Variants in CTPS2 observed in about 807,000 individuals in gnomAD.
CTPS2 encodes the protein CTP synthase II.
A neutral mutation model predicts 46.8 loss-of-function variants in CTPS2; 19 were observed. The observed-to-expected ratio is 0.41, with a 90% CI of 0.28 to 0.60. The LOEUF (loss-of-function observed/expected upper bound fraction) is 0.60. Among genes scored for constraint, CTPS2 ranks in the 20% least tolerant of loss-of-function variants. CTPS2 has a pLI of 0.35. For missense variants in CTPS2, 286 were observed against 447.6 expected, an observed-to-expected ratio of 0.64 and a Z score of 3.26; for synonymous variants, 151 against 165.2, an observed-to-expected ratio of 0.91 and a Z score of 0.66.
intron 10 of CTPS2, among the ~76,000 whole-genome samples, chrX:16,672,741 C>T (rs1014381624): frequency 4.5e-5 from 5 of 110,923 alleles, no homozygotes; most frequent in Non-Finnish European, 7.6e-5. Flanking sequence ...CCTAGCATAC[C>T]GACAAAAGGG....
rs903107330 is a variant in CTPS2, at chrX:16,678,917, T to C, written c.1006-467A>G. 9.2e-5 allele frequency among the ~76,000 whole-genome samples: 10 copies of C among 108,899 alleles called. No individual in the cohort carries two copies. The South Asian group carries it at 1.6e-3, about 17-fold the overall frequency. 94.6% of individuals were successfully genotyped at this position (108,899 alleles called of 115,157 possible). On this transcript the variant is annotated intron_variant, in intron 9 of 18. Coordinates refer to ENST00000359276, the MANE Select transcript of CTPS2 (RefSeq NM_175859.3). Reference sequence around the variant, plus strand: ...CTAGGACGTCACTAGAACTGAACACTGGAGGAAAGACAGGAAGGATTGACG... The same window carrying C: ...CTAGGACGTCACTAGAACTGAACACCGGAGGAAAGACAGGAAGGATTGACG...
At chrX:16,600,897 T>C (rs998474266) in intron 17 of CTPS2, among the ~76,000 whole-genome samples, 1 of 111,874 alleles carries the variant, frequency 8.9e-6, no homozygotes, top group Non-Finnish European at 1.9e-5. Context: ...TTGATAGCAG[T>C]TGAGTTTATA....
At position 16,591,060 on chromosome X, in the gene CTPS2, G is replaced by T. The variant is rs962594127; in HGVS notation, c.1692-198C>A. The T allele has an allele frequency of 1.3e-5, 4 of 311,273 alleles. No individual in the cohort carries two copies. The East Asian group carries it at 1.5e-4, about 11-fold the overall frequency. The allele number at this position is 311,273 out of a possible 1,213,427, so 25.7% of individuals were successfully genotyped here. The stretch of plus-strand genomic sequence containing the variant: ...GCAATGGCCTCTTTCTTTGGTCAGA[G>T]AAACTGATCACTTATTTTCATCGTA... On this transcript the variant is annotated intron_variant, in intron 17 of 18. Transcript: ENST00000359276.
intron 2 of CTPS2, among the ~76,000 whole-genome samples, chrX:16,700,179 C>T (rs986198685): frequency 9.4e-6 from 1 of 105,936 alleles, no homozygotes; most frequent in Non-Finnish European, 1.9e-5. Flanking sequence ...TGCAGTGGTG[C>T]GATCTCGGCT....
chrX:16,640,853 A>G (rs1239994883), intron 13 of CTPS2, among the ~76,000 whole-genome samples: 2 of 111,656 alleles, frequency 1.8e-5, no homozygotes, highest in Non-Finnish European at 3.8e-5. Flanking sequence ...TTCTGAGGTA[A>G]AAAATTCCCA....
At chrX:16,596,150 A>G (rs182067019) in intron 17 of CTPS2, among the ~76,000 whole-genome samples, 1 of 111,053 alleles carries the variant, frequency 9.0e-6, no homozygotes, top group Non-Finnish European at 1.9e-5. Context: ...CTGGGATTAC[A>G]GGTGTGAGCC....
At position 16,698,337 on chromosome X, in the gene CTPS2, C is replaced by T. The variant is rs191710086; in HGVS notation, c.338-1G>A. 8.6e-7 allele frequency: 1 copy of T among 1,160,555 alleles called. No individual in the cohort carries two copies. Among genetic ancestry groups the T allele is most frequent in the East Asian group, 3.0e-5 (1 of 33,577 alleles). On this transcript the variant is annotated splice_acceptor_variant, in intron 3 of 18. Coordinates refer to ENST00000359276, the MANE Select transcript of CTPS2 (RefSeq NM_175859.3). LOFTEE classifies it high-confidence loss of function. ...ACAGCATCAGTAATGTGAGGGACAA[C>T]TGTAGAAAGAAGTATTAATACAAAA...
At chrX:16,669,268 C>G (rs1921515551) in intron 11 of CTPS2, among the ~76,000 whole-genome samples, 1 of 111,403 alleles carries the variant, frequency 9.0e-6, no homozygotes, top group Non-Finnish European at 1.9e-5. Flanking sequence ...CTGCAGTTCA[C>G]CAATTCTCTC....
chrX:16,664,400 TG>T (rs2147291076), intron 13 of CTPS2, among the ~76,000 whole-genome samples: 1 of 111,867 alleles, frequency 8.9e-6, no homozygotes, highest in East Asian at 2.8e-4. Context: ...AAGTACCATC[TG>T]GCTGGTAAGT....
At chrX:16,618,573 G>T (rs1195703834) in intron 15 of CTPS2, among the ~76,000 whole-genome samples, 1 of 111,665 alleles carries the variant, frequency 9.0e-6, no homozygotes, top group Non-Finnish European at 1.9e-5. Flanking sequence ...AGCAATGCAT[G>T]AAGGTTCCAG....
chrX:16,692,871 A>G (rs937225205), intron 6 of CTPS2, among the ~76,000 whole-genome samples: 1 of 110,035 alleles, frequency 9.1e-6, no homozygotes, highest in African/African-American at 3.3e-5. Flanking sequence ...CAGCCTAGCC[A>G]ACATGACAAA....
At chrX:16,624,223 T>A (rs1569199876) in intron 14 of CTPS2, among the ~76,000 whole-genome samples, 1 of 112,120 alleles carries the variant, frequency 8.9e-6, no homozygotes, top group East Asian at 2.8e-4. Flanking sequence ...AATTCTATTT[T>A]ATGCATTCAA....
intron 9 of CTPS2, among the ~76,000 whole-genome samples, chrX:16,680,273 T>C (rs1922627954): frequency 9.0e-6 from 1 of 111,715 alleles, no homozygotes; most frequent in African/African-American, 3.2e-5. Flanking sequence ...AAAATGACTC[T>C]CCTGGCCAAG....
rs760990940 is a variant in CTPS2, at chrX:16,603,828, C to A, written c.1691+5713G>T. Among the ~76,000 whole-genome samples the A allele has an allele frequency of 2.5e-4, 28 of 110,817 alleles. 1 individual carries two copies. Among genetic ancestry groups the A allele is most frequent in the African/African-American group, 7.6e-4 (23 of 30,458 alleles). On this transcript the variant is annotated intron_variant, in intron 17 of 18. Transcript: ENST00000359276. ...CAGCATGTTACTTAGCAGGAAAAAACCCCGATATATTGTCACAGAAGAGAG... is the reference window on the plus strand; with the variant it reads ...CAGCATGTTACTTAGCAGGAAAAAAACCCGATATATTGTCACAGAAGAGAG...
chrX:16,663,539 C>G (rs1275152551), intron 13 of CTPS2, among the ~76,000 whole-genome samples: 1 of 111,235 alleles, frequency 9.0e-6, no homozygotes, highest in East Asian at 2.8e-4. Flanking sequence ...TCTGAAATAA[C>G]TAAAGAAATG....
chrX:16,617,598 C>T (rs1930602675), intron 15 of CTPS2, among the ~76,000 whole-genome samples: 1 of 112,311 alleles, frequency 8.9e-6, no homozygotes, highest in African/African-American at 3.2e-5. Flanking sequence ...CCCCGAATCA[C>T]AAATTTGCTT....
At chrX:16,596,969 T>A (rs1193986702) in intron 17 of CTPS2, among the ~76,000 whole-genome samples, 10 of 106,181 alleles carry the variant, frequency 9.4e-5, no homozygotes, top group Non-Finnish European at 1.9e-4. Context: ...TTTTCATGTG[T>A]TTTTTGGCTG....
intron 14 of CTPS2, among the ~76,000 whole-genome samples, chrX:16,631,794 G>A (rs1370027497): frequency 1.8e-5 from 2 of 111,675 alleles, no homozygotes; most frequent in African/African-American, 3.3e-5. Context: ...ATCCCTGAAT[G>A]AGCTCTGAAC....
chrX:16,590,822 G>T lies in CTPS2; in HGVS notation c.1732C>A (p.Pro578Thr). 1 of 1,200,526 alleles carries T rather than the reference G, an allele frequency of 8.3e-7. No individual in the cohort carries two copies. Among genetic ancestry groups the T allele is most frequent in the South Asian group, 1.8e-5 (1 of 56,285 alleles). ...SDASDDSFSE[P>T]RIAELEIS ...CTTATTTCCAACTCAGCTATCCTTG[G>T]CTCTGAAAAGCTGTCATCACTGGCA... The change falls in exon 18 of 19, where the codon CCA (proline) becomes ACA (threonine). Residue 578 changes from proline to threonine, a missense_variant. Pro to Thr is a conservative substitution (Grantham distance 38). Coordinates refer to ENST00000359276, the MANE Select transcript of CTPS2 (RefSeq NM_175859.3).
Sources: gnomAD v4.1 joint callset for allele counts (sites outside exome capture counted in the v4.1 genomes callset) on GRCh38, gnomAD v4.1.1 for gene constraint, MANE v1.5 for transcripts, NCBI Gene and HGNC (gene_info 2026-07-23, HGNC 2026-07-21) for gene names.